The following TRHDE variants were observed in gnomAD, a reference collection of about 807,000 sequenced individuals.
TRHDE encodes the protein thyrotropin-releasing hormone-degrading ectoenzyme.
TRHDE carries 72 observed loss-of-function variants against 125.7 expected under a neutral mutation model. That is an observed-to-expected ratio of 0.57 (90% CI 0.47 to 0.70). The LOEUF (loss-of-function observed/expected upper bound fraction) is 0.70. TRHDE is among the 30% of genes least tolerant of loss of function. The pLI is 0.00. For synonymous variants in TRHDE, 509 were observed against 509.1 expected, an observed-to-expected ratio of 1.00 and a Z score of 0.00; for missense variants, 1,110 against 1,327.1, an observed-to-expected ratio of 0.84 and a Z score of 2.54.
Position 72,665,519 on chromosome 12 carries a change from A to G in TRHDE, c.*2324A>G, listed in dbSNP as rs1348923777. On this transcript the variant is annotated 3_prime_UTR_variant, in exon 19 of 19. Transcript: ENST00000261180. ...ATTTATTCTTTCTAATGTTGAAATTATATCAGGCTTTACCGGTTTTTTTAG... is the reference window on the plus strand; with the variant it reads ...ATTTATTCTTTCTAATGTTGAAATTGTATCAGGCTTTACCGGTTTTTTTAG... 1 of 152,592 alleles carries G rather than the reference A, an allele frequency of 6.6e-6. No homozygotes were observed. The highest frequency in any genetic ancestry group is 1.9e-4 in the East Asian group (1 of 5,180). 9.5% of individuals were successfully genotyped at this position (152,592 alleles called of 1,614,324 possible). A position where few individuals can be genotyped will look rare whatever the true frequency, so the allele number is the denominator to read the frequency against.
chr12:72,603,594 A>G (rs11179278), intron 12 of TRHDE, among the ~76,000 whole-genome samples: 10,799 of 152,056 alleles, frequency 0.071, 460 homozygotes, highest in Middle Eastern at 0.12. Context: ...GCGTGGTGGC[A>G]GGCGCCTGTA....
At position 72,273,030 on chromosome 12, in the gene TRHDE, G is replaced by T. The variant is rs772109422; in HGVS notation, c.387G>T (p.Pro129=). 6.5e-7 allele frequency: 1 copy of T among 1,537,714 alleles called. No homozygotes were observed. The highest frequency in any genetic ancestry group is 1.2e-5 in the South Asian group (1 of 84,360). ...PGADGGPSGF[P]ERGGNGSLPG... ...CCGACGGTGGCCCCTCAGGCTTTCCGGAGCGCGGCGGCAACGGGAGCCTCC... is the reference window on the plus strand; with the variant it reads ...CCGACGGTGGCCCCTCAGGCTTTCCTGAGCGCGGCGGCAACGGGAGCCTCC... The change falls in exon 1 of 19, where the codon CCG becomes CCT. Residue 129 remains proline (P), a synonymous_variant. Transcript: ENST00000261180. This position sits in a 1 kb window ranked among gnomAD's most constrained non-coding sequence, Gnocchi z 5.3.
chr12:72,481,894 A>G (rs926245378), intron 5 of TRHDE, among the ~76,000 whole-genome samples: 26 of 152,052 alleles, frequency 1.7e-4, no homozygotes, highest in East Asian at 1.9e-4. Flanking sequence ...ACCCACTTCA[A>G]AAACACCTGT....
intron 3 of TRHDE, among the ~76,000 whole-genome samples, chr12:72,437,012 A>G (rs1013854900): frequency 2.6e-5 from 4 of 151,874 alleles, no homozygotes; most frequent in Non-Finnish European, 5.9e-5. Context: ...AGCTAAATAC[A>G]TATATCTATA....
chr12:72,608,115 G>T (rs1299972493), intron 12 of TRHDE, among the ~76,000 whole-genome samples: 1 of 151,986 alleles, frequency 6.6e-6, no homozygotes, highest in East Asian at 1.9e-4. Flanking sequence ...ATTGAGATGG[G>T]CTATCTCTGG....
chr12:72,107,689 A>G (rs1875220798), intron 2 of TRHDE, among the ~76,000 whole-genome samples: 1 of 152,158 alleles, frequency 6.6e-6, no homozygotes, highest in Non-Finnish European at 1.5e-5. Context: ...CTTCAAAGCT[A>G]CTGTGGCTCT....
rs754618966 is a variant in TRHDE, at chr12:72,272,828, A to G, written c.185A>G (p.Asp62Gly). Residue 62 changes from aspartate to glycine, a missense_variant, in exon 1 of 19, where the codon GAC becomes GGC. Coordinates refer to ENST00000261180, the MANE Select transcript of TRHDE (RefSeq NM_013381.3). The surrounding 1 kb of genome is among the most constrained non-coding windows in gnomAD (Gnocchi z 6.7). ...ALRAGSRGLS[D>G]PWADSVGVRP... is the part of the protein sequence containing the mutation. ...CGGGCTGGCAGCAGGGGGCTCTCCG[A>G]CCCGTGGGCAGACTCAGTGGGAGTG... is the stretch of plus-strand genomic sequence containing the variant. The G allele has an allele frequency of 8.2e-6, 13 of 1,576,806 alleles. No individual in the cohort carries two copies. Among genetic ancestry groups the G allele is most frequent in the Admixed American group, 1.7e-5 (1 of 58,360 alleles).
chr12:72,542,814 T>C (rs988830965), intron 7 of TRHDE, among the ~76,000 whole-genome samples: 2 of 151,234 alleles, frequency 1.3e-5, no homozygotes, highest in African/African-American at 4.8e-5. Flanking sequence ...TTCCAAAGGT[T>C]TTTAATTGTT....
chr12:72,159,190 T>C (rs1437023465), intron 2 of TRHDE, among the ~76,000 whole-genome samples: 1 of 152,244 alleles, frequency 6.6e-6, no homozygotes, highest in African/African-American at 2.4e-5. Context: ...TATGGGTTTC[T>C]CTTTTTGTGA....
At chr12:72,392,602 C>G (rs1244692706) in intron 3 of TRHDE, among the ~76,000 whole-genome samples, 2 of 152,072 alleles carry the variant, frequency 1.3e-5, no homozygotes, top group East Asian at 1.9e-4. Context: ...ACAATTATGC[C>G]ACTCTGCCAG....
intron 7 of TRHDE, among the ~76,000 whole-genome samples, chr12:72,551,862 C>T (rs765529074): frequency 5.2e-4 from 79 of 152,106 alleles, no homozygotes; most frequent in Non-Finnish European, 6.5e-4. Flanking sequence ...AACTCTAGAT[C>T]GGGTGTTTAG....
intron 2 of TRHDE, among the ~76,000 whole-genome samples, chr12:72,224,126 CTATCTATCTATCTATT>C (rs1565666650): frequency 0.06 from 4,614 of 76,920 alleles, 109 homozygotes; most frequent in South Asian, 0.092. Flanking sequence ...ATCTATCTAT[CTATCTATCTATCTATT>C]TATCTATGTA....
chr12:72,174,588 T>A (rs901621840), intron 2 of TRHDE, among the ~76,000 whole-genome samples: 15 of 152,194 alleles, frequency 9.9e-5, no homozygotes, highest in Non-Finnish European at 2.1e-4. Flanking sequence ...CTTAGCCTAT[T>A]TTTTTTCCTT....
At chr12:72,633,519 T>G (rs1020495097) in intron 15 of TRHDE, among the ~76,000 whole-genome samples, 1 of 152,104 alleles carries the variant, frequency 6.6e-6, no homozygotes, top group Non-Finnish European at 1.5e-5. Context: ...TCAGTGGGAA[T>G]GCAAATGCTG....
intron 1 of TRHDE, among the ~76,000 whole-genome samples, chr12:72,105,032 C>T (rs753847048): frequency 6.6e-6 from 1 of 152,130 alleles, no homozygotes; most frequent in Non-Finnish European, 1.5e-5. Flanking sequence ...CTTTTCTTCT[C>T]CATCAAGTGT....
intron 2 of TRHDE, among the ~76,000 whole-genome samples, chr12:72,248,413 G>C (rs1329256166): frequency 5.9e-5 from 5 of 85,040 alleles, no homozygotes; most frequent in Non-Finnish European, 1.1e-4. Context: ...GCGAGACTCT[G>C]TCTCAAAAAA....
chr12:72,192,790 C>G (rs1157902349), intron 2 of TRHDE, among the ~76,000 whole-genome samples: 1 of 151,984 alleles, frequency 6.6e-6, no homozygotes, highest in Non-Finnish European at 1.5e-5. Flanking sequence ...ATAGTAAGTG[C>G]TCAGATATTA....
intron 12 of TRHDE, among the ~76,000 whole-genome samples, chr12:72,580,721 G>C (rs546601314): frequency 1.3e-5 from 2 of 152,336 alleles, no homozygotes; most frequent in South Asian, 4.1e-4. Flanking sequence ...GATTACAGGC[G>C]TGAGCCACAG....
At chr12:72,350,168 C>G (rs550097931) in intron 2 of TRHDE, among the ~76,000 whole-genome samples, 1 of 152,106 alleles carries the variant, frequency 6.6e-6, no homozygotes, top group South Asian at 2.1e-4. Flanking sequence ...GCTGAACTTA[C>G]TGAGTTTTTA....
Sources: gnomAD v4.1 joint callset for allele counts (sites outside exome capture counted in the v4.1 genomes callset) on GRCh38, gnomAD v4.1.1 for gene constraint, Gnocchi (gnomAD v3.1) non-coding constraint, MANE v1.5 for transcripts, NCBI Gene and HGNC (gene_info 2026-07-23, HGNC 2026-07-21) for gene names.